C3orf33: variants seen among roughly 807,000 people sequenced by gnomAD.
The protein encoded by C3orf33 is mitochondrial inner membrane subdomain organizer 1, also known as AP-1 activity suppressor.
C3orf33 carries 23 observed loss-of-function variants against 28.7 expected under a neutral mutation model. That is an observed-to-expected ratio of 0.80 (90% CI 0.58 to 1.13). The LOEUF (loss-of-function observed/expected upper bound fraction) is 1.13, where lower values mean the gene tolerates loss of function less well. Among genes scored for constraint, C3orf33 ranks in the 50% most tolerant of loss-of-function variants. The pLI is 0.00. For missense variants in C3orf33, 327 were observed against 353.4 expected (o/e 0.93, Z 0.60); for synonymous variants, 119 against 120.5 (o/e 0.99, Z 0.08).
chr3:155,787,445 G>A (rs1238340628), intron 2 of C3orf33, among the ~76,000 whole-genome samples: 12 of 150,398 alleles, frequency 8.0e-5, no homozygotes, highest in African/African-American at 2.7e-4. Context: ...TCTGCCTCCC[G>A]GGTTCAAGCA....
intron 2 of C3orf33, among the ~76,000 whole-genome samples, chr3:155,779,954 T>C (rs1039411006): frequency 1.2e-4 from 18 of 152,200 alleles, no homozygotes; most frequent in Non-Finnish European, 2.6e-4. Flanking sequence ...ATCCATTTAT[T>C]TTATATCCCA....
Position 155,802,531 on chromosome 3 carries a change from C to A in C3orf33, c.174+1G>T, listed in dbSNP as rs758874494. The stretch of plus-strand genomic sequence containing the variant: ...AATGTCTTTTTCATTTTTTAACTTA[C>A]CAGTCGAATGCTTCTCAAAAGTAAC... On this transcript the variant is annotated splice_donor_variant, in intron 2 of 4. Coordinates refer to ENST00000340171, the MANE Select transcript of C3orf33 (RefSeq NM_001308229.2). LOFTEE classifies it high-confidence loss of function. The A allele has an allele frequency of 6.2e-7, 1 of 1,600,732 alleles. No homozygotes were observed. The highest frequency in any genetic ancestry group is 1.1e-5 in the South Asian group (1 of 88,572).
intron 1 of C3orf33, among the ~76,000 whole-genome samples, chr3:155,803,427 T>C (rs1053037345): frequency 2.7e-5 from 4 of 149,684 alleles, no homozygotes; most frequent in African/African-American, 9.9e-5. Context: ...TAGCCGGGCG[T>C]GGTGGTGGGC....
chr3:155,784,920 G>C (rs1751053214), intron 2 of C3orf33, among the ~76,000 whole-genome samples: 1 of 151,572 alleles, frequency 6.6e-6, no homozygotes, highest in Non-Finnish European at 1.5e-5. Flanking sequence ...GTCTCCAATA[G>C]AAAGAGAGAG....
intron 3 of C3orf33, among the ~76,000 whole-genome samples, chr3:155,769,485 C>CAA (rs59639224): frequency 0.033 from 2,741 of 84,284 alleles, 126 homozygotes; most frequent in African/African-American, 0.1. Context: ...GAGACTGTTT[C>CAA]AAAAAAAAAA....
intron 2 of C3orf33, among the ~76,000 whole-genome samples, chr3:155,791,679 G>A (rs964899177): frequency 1.1e-4 from 16 of 151,922 alleles, no homozygotes; most frequent in Non-Finnish European, 2.2e-4. Flanking sequence ...GAATATCAGT[G>A]GTAGCCAGGC....
intron 2 of C3orf33, among the ~76,000 whole-genome samples, chr3:155,782,240 A>G (rs1258275162): frequency 6.6e-6 from 1 of 151,828 alleles, no homozygotes; most frequent in Non-Finnish European, 1.5e-5. Flanking sequence ...AAAAGGGAAC[A>G]GGGCCTAAGG....
Position 155,767,556 on chromosome 3 carries a change from G to A in C3orf33, c.436C>T (p.Leu146Phe), listed in dbSNP as rs374827619. 1.5e-5 allele frequency: 24 copies of A among 1,590,940 alleles called. No homozygotes were observed. The Middle Eastern group carries it at 5.0e-4, about 33-fold the overall frequency. ...KPSQLLWFQL[L>F]GKENSALFCY... ...AAGAGTGCTGAATTCTCCTTTCCAA[G>A]AAGTTGGAACCATAGTAATTGGGAA... Residue 146 changes from leucine to phenylalanine, a missense_variant, in exon 4 of 5, where the codon CTT (leucine) becomes TTT (phenylalanine). By Grantham distance (22) the Leu-to-Phe change is conservative. Coordinates refer to ENST00000340171, the MANE Select transcript of C3orf33 (RefSeq NM_001308229.2).
chr3:155,772,593 C>A (rs564033770), intron 3 of C3orf33, among the ~76,000 whole-genome samples: 9 of 148,352 alleles, frequency 6.1e-5, no homozygotes, highest in African/African-American at 2.3e-4. Context: ...TTTTTTTTTA[C>A]CATCAGGGAT....
chr3:155,800,610 CAAAAAAAAAAAAAAAAAAA>C (rs58092818), intron 2 of C3orf33, among the ~76,000 whole-genome samples: 1 of 15,634 alleles, frequency 6.4e-5, no homozygotes, highest in Non-Finnish European at 1.2e-4. Context: ...ACCTTATCTC[CAAAAAAAAAAAAAAAAAAA>C]AAAAAAAAAA....
At chr3:155,772,772 CTGTGTGTGTGTGTGTGTGTGTG>C (rs60966459) in intron 3 of C3orf33, among the ~76,000 whole-genome samples, 1 of 142,138 alleles carries the variant, frequency 7.0e-6, no homozygotes, top group Admixed American at 7.1e-5. Flanking sequence ...TTTTTAGGCT[CTGTGTGTGTGTGTGTGTGTGTG>C]TGTGTGTGTG....
chr3:155,785,450 G>T (rs570673473), intron 2 of C3orf33, among the ~76,000 whole-genome samples: 1 of 152,286 alleles, frequency 6.6e-6, no homozygotes, highest in African/African-American at 2.4e-5. Context: ...TAGACCATTT[G>T]TTAGGCCACA....
Position 155,771,017 on chromosome 3 carries a change from C to CTGTGTGTGTGTGTGTG in C3orf33, c.323-3364_323-3349dup, listed in dbSNP as rs71138678. On this transcript the variant is annotated intron_variant, in intron 3 of 4. Transcript: ENST00000340171. ...GTTGAGACATAGTTTTGCTCTGCCA[C>CTGTGTGTGTGTGTGTG]TGTGTGTGTGTGTGTGTGTGTGTGT... is the stretch of plus-strand genomic sequence containing the variant. 3.6e-4 allele frequency among the ~76,000 whole-genome samples: 39 copies of CTGTGTGTGTGTGTGTG among 109,660 alleles called. 3 individuals are homozygous for CTGTGTGTGTGTGTGTG. The highest frequency in any genetic ancestry group is 1.4e-3 in the African/African-American group (37 of 25,702). The allele number at this position is 109,660 out of a possible 152,430, so 71.9% of individuals were successfully genotyped here.
Position 155,787,409 on chromosome 3 carries a change from G to T in C3orf33, c.175-11561C>A, listed in dbSNP as rs1248054947. ...CTGTCACCCAGGCTGGAGTGCAGTG[G>T]CATGATCTCGGCTCACTGTGCAACC... On this transcript the variant is annotated intron_variant, in intron 2 of 4. Transcript: ENST00000340171. Among the ~76,000 whole-genome samples, 4 of 147,814 alleles carry T rather than the reference G, an allele frequency of 2.7e-5. No homozygotes were observed. The Admixed American group carries it at 2.8e-4, about 10-fold the overall frequency.
At chr3:155,792,957 C>G (rs1751358991) in intron 2 of C3orf33, among the ~76,000 whole-genome samples, 1 of 151,982 alleles carries the variant, frequency 6.6e-6, no homozygotes, top group African/African-American at 2.4e-5. Context: ...GAGAAAGATA[C>G]TGATATTCAA....
At chr3:155,787,917 C>T (rs1010937781) in intron 2 of C3orf33, among the ~76,000 whole-genome samples, 7 of 151,940 alleles carry the variant, frequency 4.6e-5, no homozygotes, top group African/African-American at 7.2e-5. Flanking sequence ...ATAGGCCGGG[C>T]GCGGTGGCTC....
At chr3:155,805,353 C>T (rs1302345262) in intron 1 of C3orf33, among the ~76,000 whole-genome samples, 2 of 152,056 alleles carry the variant, frequency 1.3e-5, no homozygotes, top group African/African-American at 2.4e-5. Context: ...GCCCTAGCTA[C>T]TCGGGAGCCT....
intron 2 of C3orf33, among the ~76,000 whole-genome samples, chr3:155,777,348 T>C (rs1012756351): frequency 6.6e-6 from 1 of 151,776 alleles, no homozygotes; most frequent in Non-Finnish European, 1.5e-5. Flanking sequence ...ATAGTGACAA[T>C]CAAGATCTGA....
intron 3 of C3orf33, among the ~76,000 whole-genome samples, chr3:155,767,992 G>T: frequency 6.6e-6 from 1 of 151,984 alleles, no homozygotes; most frequent in South Asian, 2.1e-4. Context: ...CGATTCTCGT[G>T]CCTCAACCTC....
Sources: allele counts gnomAD v4.1 joint callset (sites outside exome capture counted in the v4.1 genomes callset), GRCh38; gene constraint gnomAD v4.1.1; transcripts MANE v1.5; gene names NCBI Gene and HGNC (gene_info 2026-07-23, HGNC 2026-07-21).